The following ATXN3 variants were observed in gnomAD, a reference collection of about 807,000 sequenced individuals.
The protein encoded by ATXN3 is ataxin 3.
In ATXN3, 28 loss-of-function variants were observed where a neutral mutation model predicts 58.2. The ratio of observed to expected loss-of-function variants is 0.48; its 90% CI spans 0.36 to 0.66. The LOEUF (loss-of-function observed/expected upper bound fraction) is 0.66, where lower values mean the gene tolerates loss of function less well. ATXN3 is among the 30% of genes least tolerant of loss of function. The pLI is 0.00. For synonymous variants in ATXN3, 113 were observed against 138.5 expected (o/e 0.82, Z 1.29); for missense variants, 321 against 422.1 (o/e 0.76, Z 2.10).
At chr14:92,085,412 A>T (rs1300338067) in intron 6 of ATXN3, among the ~76,000 whole-genome samples, 1 of 151,498 alleles carries the variant, frequency 6.6e-6, no homozygotes, top group African/African-American at 2.4e-5. Flanking sequence ...GGTCTCATCA[A>T]CTCCTGACCT....
At chr14:92,072,552 A>C (rs28409802) in intron 9 of ATXN3, among the ~76,000 whole-genome samples, 1 of 152,142 alleles carries the variant, frequency 6.6e-6, no homozygotes, top group Non-Finnish European at 1.5e-5. Context: ...ATCCTAAAAA[A>C]CCCCAAATCT....
At chr14:92,068,132 G>A (rs1294580616) in intron 10 of ATXN3, among the ~76,000 whole-genome samples, 1 of 152,158 alleles carries the variant, frequency 6.6e-6, no homozygotes, top group Admixed American at 6.5e-5. Context: ...CTGGGTGGAA[G>A]TTCAGCCTCC....
intron 5 of ATXN3, 110 bp from the exon 6 acceptor site, chr14:92,088,927 T>C (rs2063162399): frequency 3.1e-6 from 2 of 655,400 alleles, no homozygotes; most frequent in South Asian, 4.0e-5. Flanking sequence ...TTGTTTAAAC[T>C]CTGGAAATAT....
chr14:92,076,261 C>T (rs2060335474), intron 9 of ATXN3, among the ~76,000 whole-genome samples: 1 of 152,048 alleles, frequency 6.6e-6, no homozygotes, highest in African/African-American at 2.4e-5. Context: ...GTCTGGCCAA[C>T]ATGGTGAAAC....
intron 10 of ATXN3, among the ~76,000 whole-genome samples, chr14:92,065,439 A>C (rs1357952168): frequency 6.6e-6 from 1 of 152,170 alleles, no homozygotes; most frequent in Non-Finnish European, 1.5e-5. Context: ...TGAGAATATA[A>C]ATTTCTATTT....
chr14:92,071,176 A>C, intron 9 of ATXN3, 123 bp from the exon 10 acceptor site: 1 of 1,399,164 alleles, frequency 7.1e-7, no homozygotes, highest in Non-Finnish European at 9.8e-7. Context: ...ACTGGTATTA[A>C]AAGAATGCAA....
At chr14:92,081,122 T>C in intron 8 of ATXN3, 61 bp from the exon 9 acceptor site, 1 of 1,118,096 alleles carries the variant, frequency 8.9e-7, no homozygotes, top group Non-Finnish European at 1.4e-6. Flanking sequence ...CAAGCAACAA[T>C]ATGTTTGTTT....
chr14:92,081,465 C>CAAAAAAAAAAAAAAAAAAAAACAAAA (rs58398762), intron 8 of ATXN3, among the ~76,000 whole-genome samples: 1 of 82,976 alleles, frequency 1.2e-5, no homozygotes, highest in African/African-American at 4.1e-5. Flanking sequence ...GACTCTGACT[C>CAAAAAAAAAAAAAAAAAAAAACAAAA]AAAAAAAAAA....
intron 9 of ATXN3, among the ~76,000 whole-genome samples, chr14:92,076,214 G>C (rs2060324132): frequency 6.6e-6 from 1 of 152,160 alleles, no homozygotes; most frequent in Non-Finnish European, 1.5e-5. Flanking sequence ...GGGAGACCCA[G>C]GCTGGCAGAT....
chr14:92,095,824 C>A (rs1218162896), intron 3 of ATXN3, among the ~76,000 whole-genome samples: 2 of 151,782 alleles, frequency 1.3e-5, no homozygotes, highest in Non-Finnish European at 2.9e-5. Flanking sequence ...TGCCTGTAAT[C>A]CCAGCTACTT....
chr14:92,057,915 G>T (rs2140167752), downstream of ATXN3, among the ~76,000 whole-genome samples: 1 of 152,128 alleles, frequency 6.6e-6, no homozygotes, highest in African/African-American at 2.4e-5. Context: ...TCTTTATGTT[G>T]CCCAGGCTGG....
Position 92,093,288 on chromosome 14 carries a change from C to A in ATXN3, c.351G>T (p.Lys117Asn). Reference sequence around the variant, plus strand: ...ATTTTCTAACTGTAAACCAGTGTTCCTTATAATTGCATATAAATGATCTTT... The same window carrying A: ...ATTTTCTAACTGTAAACCAGTGTTCATTATAATTGCATATAAATGATCTTT... ...INERSFICNYKEHWFTVRKLG... is the reference protein window; with the variant it reads ...INERSFICNYNEHWFTVRKLG... Residue 117 changes from lysine to asparagine, a missense_variant, in exon 5 of 11, where the codon AAG (lysine) becomes AAT (asparagine). By Grantham distance (94) the Lys-to-Asn change is moderately conservative (BLOSUM62 0). Transcript: ENST00000644486. 1 of 1,468,754 alleles carries A rather than the reference C, an allele frequency of 6.8e-7. No homozygotes were observed. The highest frequency in any genetic ancestry group is 9.4e-7 in the Non-Finnish European group (1 of 1,060,254). The allele number at this position is 1,468,754 out of a possible 1,614,324, so 91.0% of individuals were successfully genotyped here.
At chr14:92,054,431 A>G (rs2057458494), downstream of ATXN3, among the ~76,000 whole-genome samples, 1 of 152,228 alleles carries the variant, frequency 6.6e-6, no homozygotes, top group Non-Finnish European at 1.5e-5. Flanking sequence ...AGGCCACAAG[A>G]GTGACCTCTG....
intron 3 of ATXN3, among the ~76,000 whole-genome samples, chr14:92,094,845 G>A (rs1595916769): frequency 6.6e-6 from 1 of 152,192 alleles, no homozygotes; most frequent in Non-Finnish European, 1.5e-5. Context: ...CAGCCCTGCA[G>A]TAGCCATTAC....
intron 9 of ATXN3, chr14:92,079,536 ATATT>A (rs1406170230): frequency 1.7e-6 from 1 of 602,588 alleles, no homozygotes; most frequent in African/African-American, 2.0e-5. Context: ...AAATGAGCCA[ATATT>A]TATAGGTGCT....
intron 10 of ATXN3, among the ~76,000 whole-genome samples, chr14:92,069,083 C>CT (rs71301949): frequency 8.5e-4 from 121 of 142,458 alleles, no homozygotes; most frequent in Middle Eastern, 3.8e-3. Context: ...ATGCTATAAT[C>CT]TTTTTTTTTT....
intron 10 of ATXN3, among the ~76,000 whole-genome samples, chr14:92,068,913 T>C (rs987886064): frequency 6.6e-6 from 1 of 151,990 alleles, no homozygotes; most frequent in Non-Finnish European, 1.5e-5. Context: ...ATACAAATGT[T>C]GAGGTGTTTT....
intron 1 of ATXN3, among the ~76,000 whole-genome samples, chr14:92,048,534 TGA>T (rs1488284212): frequency 2.0e-5 from 3 of 152,220 alleles, no homozygotes; most frequent in African/African-American, 7.2e-5. Flanking sequence ...TGAACTGGGT[TGA>T]GTTTTTATAT....
chr14:92,075,026 C>T (rs1463949917), intron 9 of ATXN3, among the ~76,000 whole-genome samples: 1 of 152,094 alleles, frequency 6.6e-6, no homozygotes, highest in Non-Finnish European at 1.5e-5. Flanking sequence ...TACAGTGACA[C>T]AGCTGATGTA....
Sources: allele counts gnomAD v4.1 joint callset (sites outside exome capture counted in the v4.1 genomes callset), GRCh38; gene constraint gnomAD v4.1.1; transcripts MANE v1.5; gene names NCBI Gene and HGNC (gene_info 2026-07-23, HGNC 2026-07-21).